Variants in TBC1D5 observed in about 807,000 individuals in gnomAD.
TBC1D5 encodes TBC1 domain family member 5.
TBC1D5 carries 75 observed loss-of-function variants against 100.3 expected under a neutral mutation model. The observed-to-expected ratio is 0.75, with a 90% CI of 0.62 to 0.91. TBC1D5 has a LOEUF of 0.91. Ranked by LOEUF, TBC1D5 falls within the 40% of genes least tolerant of loss-of-function variation. The pLI is 0.00. For synonymous variants in TBC1D5, 323 were observed against 325.6 expected (o/e 0.99, Z 0.09); for missense variants, 910 against 942.4 (o/e 0.97, Z 0.45).
intron 16 of TBC1D5, 84 bp from the exon 17 acceptor site, chr3:17,238,503 T>A: frequency 7.0e-7 from 1 of 1,433,958 alleles, no homozygotes; most frequent in Non-Finnish European, 9.3e-7. Context: ...AAAGCACACC[T>A]TGTCTGCTTT....
At chr3:17,381,462 A>G (rs1258219628) in intron 9 of TBC1D5, among the ~76,000 whole-genome samples, 1 of 152,106 alleles carries the variant, frequency 6.6e-6, no homozygotes, top group Non-Finnish European at 1.5e-5. Flanking sequence ...TAAGGTTCAC[A>G]ATGAAAGCCA....
intron 8 of TBC1D5, among the ~76,000 whole-genome samples, 164 bp downstream of exon 8, chr3:17,403,017 A>C (rs1160300624): frequency 6.6e-6 from 1 of 152,138 alleles, no homozygotes; most frequent in Non-Finnish European, 1.5e-5. Flanking sequence ...ATTAGAGTAG[A>C]AAACAATCCT....
intron 3 of TBC1D5, among the ~76,000 whole-genome samples, chr3:17,485,772 T>C (rs1332345272): frequency 2.0e-5 from 3 of 151,784 alleles, no homozygotes; most frequent in Admixed American, 6.6e-5. Flanking sequence ...TCCAAGTCTT[T>C]GCTATTGTGA....
intron 2 of TBC1D5, among the ~76,000 whole-genome samples, chr3:17,541,276 T>C (rs2153422398): frequency 6.6e-6 from 1 of 152,128 alleles, no homozygotes; most frequent in East Asian, 1.9e-4. Context: ...ACTGACATCA[T>C]AACAATAGTA....
In TBC1D5 at chr3:17,182,173, T is replaced by A. The variant is rs115522671; in HGVS notation, c.1852+2936A>T. On this transcript the variant is annotated intron_variant, in intron 19 of 21. Transcript: ENST00000253692. ...CTTTTAATTAACCATTGTTGTATTG[T>A]GCATTTGAAGTGAAATGCATCTGTG... is the stretch of plus-strand genomic sequence containing the variant. Among the ~76,000 whole-genome samples the A allele has an allele frequency of 1.5e-3, 234 of 152,332 alleles. 1 individual carries two copies. The highest frequency in any genetic ancestry group is 5.2e-3 in the African/African-American group (217 of 41,566).
chr3:17,401,012 T>A (rs957148787), intron 8 of TBC1D5, among the ~76,000 whole-genome samples: 5 of 152,068 alleles, frequency 3.3e-5, no homozygotes, highest in African/African-American at 1.2e-4. Flanking sequence ...GACTTCACCA[T>A]GATCATGTGA....
intron 17 of TBC1D5, among the ~76,000 whole-genome samples, chr3:17,217,063 C>A (rs2073733660): frequency 6.6e-6 from 1 of 152,138 alleles, no homozygotes; most frequent in South Asian, 2.1e-4. Flanking sequence ...TCCCTGCAAT[C>A]ACAATCTACT....
intron 1 of TBC1D5, among the ~76,000 whole-genome samples, chr3:17,646,179 A>G (rs1294763165): frequency 1.3e-5 from 2 of 152,022 alleles, no homozygotes; most frequent in Admixed American, 1.3e-4. Flanking sequence ...ACACACAGAA[A>G]GAAGATGGCC....
At chr3:17,633,234 C>G (rs990667537) in intron 1 of TBC1D5, among the ~76,000 whole-genome samples, 1 of 152,022 alleles carries the variant, frequency 6.6e-6, no homozygotes, top group Non-Finnish European at 1.5e-5. Context: ...GTCAGGAGTT[C>G]GAGACCAGCC....
intron 2 of TBC1D5, among the ~76,000 whole-genome samples, chr3:17,582,357 C>T (rs1438365600): frequency 6.6e-6 from 1 of 152,092 alleles, no homozygotes; most frequent in African/African-American, 2.4e-5. Flanking sequence ...CTAGCTAAAT[C>T]ATCAATCAAC....
chr3:17,555,224 T>C (rs1349544253), intron 2 of TBC1D5, among the ~76,000 whole-genome samples: 1 of 152,136 alleles, frequency 6.6e-6, no homozygotes, highest in African/African-American at 2.4e-5. Flanking sequence ...CTGAGACAAG[T>C]CTCAATCAAT....
chr3:17,274,019 A>G (rs1266848042), intron 15 of TBC1D5, among the ~76,000 whole-genome samples: 1 of 151,766 alleles, frequency 6.6e-6, no homozygotes. Context: ...AATTAAAAAA[A>G]AAAAAAAAAG....
chr3:17,383,938 T>A, exon 9 of TBC1D5: 1 of 1,600,070 alleles, frequency 6.2e-7, no homozygotes, highest in Non-Finnish European at 8.5e-7. Flanking sequence ...CTGCTCGTTT[T>A]CTCTGGCATA....
At chr3:17,587,859 T>C (rs1434999497) in intron 2 of TBC1D5, among the ~76,000 whole-genome samples, 4 of 152,070 alleles carry the variant, frequency 2.6e-5, no homozygotes, top group Non-Finnish European at 1.5e-5. Flanking sequence ...ATCTTTCTTT[T>C]GTAAAAATAC....
chr3:17,615,204 T>G (rs1373085611), intron 2 of TBC1D5, among the ~76,000 whole-genome samples: 3 of 152,234 alleles, frequency 2.0e-5, no homozygotes, highest in Non-Finnish European at 4.4e-5. Context: ...TTGTGTATGT[T>G]GAACCAGCCT....
chr3:17,635,379 T>C (rs2063816344), intron 1 of TBC1D5, among the ~76,000 whole-genome samples: 1 of 152,100 alleles, frequency 6.6e-6, no homozygotes, highest in South Asian at 2.1e-4. Flanking sequence ...TAAATGTAGA[T>C]AGAACAATTA....
intron 2 of TBC1D5, chr3:17,575,377 TAGAA>T (rs2096651659): frequency 6.6e-6 from 1 of 152,022 alleles, no homozygotes; most frequent in Admixed American, 6.6e-5. Flanking sequence ...CTTTTCCATT[TAGAA>T]ATTCAAGCCT....
chr3:17,337,135 T>G (rs894388881), intron 13 of TBC1D5, among the ~76,000 whole-genome samples: 2 of 150,762 alleles, frequency 1.3e-5, no homozygotes, highest in Non-Finnish European at 3.0e-5. Context: ...TTTTTTTTTT[T>G]TTTTTTTTTT....
chr3:17,604,761 A>G (rs751984500), intron 2 of TBC1D5, among the ~76,000 whole-genome samples: 2 of 152,134 alleles, frequency 1.3e-5, no homozygotes, highest in African/African-American at 4.8e-5. Flanking sequence ...TGCAACCTCC[A>G]CTTCCAGGGT....
Sources: gnomAD v4.1 joint callset for allele counts (sites outside exome capture counted in the v4.1 genomes callset) on GRCh38, gnomAD v4.1.1 for gene constraint, MANE v1.5 for transcripts, NCBI Gene and HGNC (gene_info 2026-07-23, HGNC 2026-07-21) for gene names.